Variants in TMEM268 observed in about 807,000 individuals in gnomAD.
TMEM268 encodes transmembrane protein 268.
Under a neutral mutation model 39.1 loss-of-function variants are expected in TMEM268, and 24 were observed. The ratio of observed to expected loss-of-function variants is 0.61; its 90% CI spans 0.44 to 0.86. The LOEUF is 0.86. Ranked by LOEUF, TMEM268 falls within the 40% of genes least tolerant of loss-of-function variation. The pLI, the probability that TMEM268 is intolerant of heterozygous loss-of-function variation, is 0.00. For missense variants in TMEM268, 409 were observed against 428.6 expected (o/e 0.95, Z 0.40); for synonymous variants, 176 against 173.5 (o/e 1.01, Z -0.12).
intron 8 of TMEM268, among the ~76,000 whole-genome samples, chr9:114,641,585 C>T (rs558751085): frequency 6.6e-6 from 1 of 151,822 alleles, no homozygotes; most frequent in South Asian, 2.1e-4. Context: ...TGTAGGGAGG[C>T]CAAGGCAGGA....
Position 114,645,750 on chromosome 9 carries a change from A to G in TMEM268, c.*2437A>G, listed in dbSNP as rs2133740523. The G allele has an allele frequency of 6.6e-6, 1 of 152,228 alleles. No individual in the cohort carries two copies. Among genetic ancestry groups the G allele is most frequent in the Non-Finnish European group, 1.5e-5 (1 of 67,990 alleles). 9.4% of individuals were successfully genotyped at this position (152,228 alleles called of 1,614,324 possible). A position where few individuals can be genotyped will look rare whatever the true frequency, so the allele number is the denominator to read the frequency against. Reference sequence around the variant, plus strand: ...CCTTTGATGTGTGTTTCTTTTCCTGACTTTTCCTTTCTTTAGAATTTTTGA... The same window carrying G: ...CCTTTGATGTGTGTTTCTTTTCCTGGCTTTTCCTTTCTTTAGAATTTTTGA... On this transcript the variant is annotated 3_prime_UTR_variant, in exon 9 of 9. Transcript: ENST00000288502.
At chr9:114,605,345 G>GT in the TMEM268 span, among the ~76,000 whole-genome samples, 15 of 151,342 alleles carry the variant, frequency 9.9e-5, no homozygotes, top group East Asian at 9.7e-4. Flanking sequence ...TTTTTTTTCT[G>GT]GTTTTTTTTT....
At chr9:114,619,301 A>T (rs1377067963) in intron 2 of TMEM268, among the ~76,000 whole-genome samples, 3 of 43,988 alleles carry the variant, frequency 6.8e-5, no homozygotes, top group Non-Finnish European at 1.5e-4. Context: ...GTGCACACAC[A>T]CACACACACA....
Position 114,633,865 on chromosome 9 carries a change from A to G in TMEM268, c.572A>G (p.Gln191Arg). Residue 191 changes from glutamine (Q) to arginine (R), a missense_variant, in exon 6 of 9, where the codon CAG (glutamine) becomes CGG (arginine). Coordinates refer to ENST00000288502, the MANE Select transcript of TMEM268 (RefSeq NM_153045.4). ...LGVTDTVEGCQSVIQLWFVYF... is the reference protein window; with the variant it reads ...LGVTDTVEGCRSVIQLWFVYF... The stretch of plus-strand genomic sequence containing the variant: ...GTGACAGACACAGTGGAAGGATGCC[A>G]GAGTGTGATTCAGGTGCTGTGTCTC... The G allele has an allele frequency of 6.3e-7, 1 of 1,594,232 alleles. No homozygotes were observed. The highest frequency in any genetic ancestry group is 1.3e-5 in the African/African-American group (1 of 74,264).
chr9:114,612,449 C>T (rs1045072602), intron 1 of TMEM268, among the ~76,000 whole-genome samples: 20 of 151,910 alleles, frequency 1.3e-4, no homozygotes, highest in African/African-American at 4.8e-4. Context: ...TGCTGTCTGT[C>T]TGACCTTCTG....
intron 1 of TMEM268, among the ~76,000 whole-genome samples, chr9:114,613,289 A>G (rs1016190618): frequency 2.0e-5 from 3 of 152,142 alleles, no homozygotes; most frequent in African/African-American, 7.2e-5. Flanking sequence ...TTTTGCAACA[A>G]ATGGAACCTT....
chr9:114,630,374 C>T (rs1316327718), intron 5 of TMEM268, among the ~76,000 whole-genome samples: 1 of 152,222 alleles, frequency 6.6e-6, no homozygotes, highest in East Asian at 1.9e-4. Flanking sequence ...GGCTTGTGTG[C>T]AGCATGGAGG....
chr9:114,616,733 A>G (rs550225318), intron 1 of TMEM268, among the ~76,000 whole-genome samples: 1 of 151,970 alleles, frequency 6.6e-6, no homozygotes, highest in Admixed American at 6.6e-5. Flanking sequence ...CCTGTGTGTA[A>G]ACAAGACTCC....
chr9:114,638,751 G>T, intron 8 of TMEM268, 25 bp downstream of exon 8: 1 of 1,508,760 alleles, frequency 6.6e-7, no homozygotes, highest in African/African-American at 1.4e-5. Flanking sequence ...GGCTTGTTGG[G>T]GCCATCTTCC....
At chr9:114,632,785 G>A (rs1055260150) in intron 5 of TMEM268, among the ~76,000 whole-genome samples, 3 of 152,176 alleles carry the variant, frequency 2.0e-5, no homozygotes, top group African/African-American at 7.2e-5. Flanking sequence ...CCTGGGTTAA[G>A]TACTTTACAC....
At chr9:114,635,185 A>G (rs948381657) in intron 6 of TMEM268, among the ~76,000 whole-genome samples, 1 of 151,672 alleles carries the variant, frequency 6.6e-6, no homozygotes, top group African/African-American at 2.4e-5. Context: ...TACTAAAAAT[A>G]TAAAAAAATT....
upstream of TMEM268, among the ~76,000 whole-genome samples, chr9:114,610,330 C>T (rs1056176337): frequency 1.3e-5 from 2 of 152,174 alleles, no homozygotes; most frequent in Middle Eastern, 3.2e-3. Flanking sequence ...TGAGCCACCG[C>T]GCCCAGCCTG....
intron 2 of TMEM268, among the ~76,000 whole-genome samples, chr9:114,617,872 AT>A (rs201949570): frequency 4.1e-5 from 6 of 144,586 alleles, no homozygotes; most frequent in South Asian, 2.3e-4. Flanking sequence ...GAGGTTTTTA[AT>A]TTTTTATTTT....
chr9:114,623,076 A>G (rs573239243), intron 2 of TMEM268, among the ~76,000 whole-genome samples: 5 of 152,022 alleles, frequency 3.3e-5, no homozygotes, highest in African/African-American at 1.2e-4. Flanking sequence ...AGTGACAGAG[A>G]GAGACTCTGT....
At chr9:114,614,541 T>C (rs1317772942) in intron 1 of TMEM268, among the ~76,000 whole-genome samples, 2 of 152,232 alleles carry the variant, frequency 1.3e-5, no homozygotes, top group African/African-American at 4.8e-5. Context: ...TGAAAAATGG[T>C]GAGGGCATGA....
chr9:114,641,229 T>G (rs62579685), intron 8 of TMEM268, among the ~76,000 whole-genome samples: 26,578 of 152,148 alleles, frequency 0.17, 2,478 homozygotes, highest in South Asian at 0.28. Flanking sequence ...TGCCACTATT[T>G]TCCTTATTCT....
chr9:114,617,078 G>A, intron 1 of TMEM268, 40 bp from the exon 2 acceptor site: 1 of 662,306 alleles, frequency 1.5e-6, no homozygotes, highest in Non-Finnish European at 2.6e-6. Context: ...GGCTTGCCCA[G>A]GCTCAGGCCT....
At chr9:114,641,075 C>A (rs1025336151) in intron 8 of TMEM268, among the ~76,000 whole-genome samples, 7 of 152,066 alleles carry the variant, frequency 4.6e-5, no homozygotes, top group African/African-American at 1.7e-4. Context: ...GGGTTTTCAC[C>A]ATGTTGGCCA....
chr9:114,621,675 A>T (rs7027369), intron 2 of TMEM268, among the ~76,000 whole-genome samples: 109,801 of 151,990 alleles, frequency 0.72, 39,938 homozygotes, highest in Admixed American at 0.76. Context: ...ATGAGCTGGG[A>T]TACAAATGAT....
Sources: allele counts gnomAD v4.1 joint callset (sites outside exome capture counted in the v4.1 genomes callset), GRCh38; gene constraint gnomAD v4.1.1; transcripts MANE v1.5; gene names NCBI Gene and HGNC (gene_info 2026-07-23, HGNC 2026-07-21).